ST8SIA1: variants seen among roughly 807,000 people sequenced by gnomAD.
The protein encoded by ST8SIA1 is ST8 alpha-N-acetyl-neuraminide alpha-2,8-sialyltransferase 1.
In ST8SIA1, 16 loss-of-function variants were observed where a neutral mutation model predicts 35.9. That is an observed-to-expected ratio of 0.45 (90% confidence interval 0.30 to 0.68). The LOEUF (loss-of-function observed/expected upper bound fraction) is 0.68, where lower values mean the gene tolerates loss of function less well. Ranked by LOEUF, ST8SIA1 falls within the 30% of genes least tolerant of loss-of-function variation. The pLI is 0.09. For synonymous variants in ST8SIA1, 170 were observed against 169.6 expected, an observed-to-expected ratio of 1.00 and a Z score of -0.02; for missense variants, 383 against 453.6, an observed-to-expected ratio of 0.84 and a Z score of 1.41.
intron 2 of ST8SIA1, among the ~76,000 whole-genome samples, chr12:22,270,680 T>C (rs892020852): frequency 3.3e-4 from 50 of 152,160 alleles, no homozygotes; most frequent in Admixed American, 1.5e-3. Flanking sequence ...GGGGGCTGGA[T>C]AATGAGAAAT....
chr12:22,268,626 G>C (rs1278118891), intron 2 of ST8SIA1: 3 of 152,156 alleles, frequency 2.0e-5, no homozygotes, highest in Non-Finnish European at 2.9e-5. Context: ...TGAGGGGAGG[G>C]GGGGAAGCCC....
At chr12:22,245,745 G>A (rs1018004217) in intron 4 of ST8SIA1, among the ~76,000 whole-genome samples, 24 of 152,232 alleles carry the variant, frequency 1.6e-4, no homozygotes, top group Admixed American at 2.6e-4. Context: ...ATCAAGGCAG[G>A]ATTCTAGGAC....
intron 2 of ST8SIA1, among the ~76,000 whole-genome samples, chr12:22,277,064 C>A (rs912144555): frequency 6.6e-5 from 10 of 152,130 alleles, no homozygotes; most frequent in Non-Finnish European, 1.2e-4. Flanking sequence ...GTTGGTGCAT[C>A]CCTAATTACA....
chr12:22,251,638 TAC>T (rs113734750), intron 3 of ST8SIA1, among the ~76,000 whole-genome samples: 1 of 152,196 alleles, frequency 6.6e-6, no homozygotes, highest in African/African-American at 2.4e-5. Flanking sequence ...GCACATTTAA[TAC>T]AGTCAAATTG....
At position 22,334,074 on chromosome 12, in the gene ST8SIA1, G is replaced by A. The variant is rs778982252; in HGVS notation, c.159C>T (p.Asn53=). Residue 53 remains asparagine, a synonymous_variant, in exon 1 of 5, where the codon AAC becomes AAT. Transcript: ENST00000396037. ...LYIFPVYRLP[N]EKEIVQGVLQ... ...GCACCCCCTGCACGATCTCTTTCTC[G>A]TTGGGCAGCCGGTAGACGGGGAAGA... 20 of 1,614,012 alleles carry A rather than the reference G, an allele frequency of 1.2e-5. No homozygotes were observed. In the Admixed American group the frequency reaches 2.7e-4, roughly 22 times the overall value.
chr12:22,298,542 T>C lies in ST8SIA1; in HGVS notation c.237-11249A>G, dbSNP rs575306882. Among the ~76,000 whole-genome samples, 6 of 152,358 alleles carry C rather than the reference T, an allele frequency of 3.9e-5. No homozygotes were observed. In the South Asian group the frequency reaches 1.0e-3, roughly 26 times the overall value. ...ATTGTTGTTGAGTGGAGTTTGTGCATGGTTTTTTCCTACTCTCAATATTCT... is the reference window on the plus strand; with the variant it reads ...ATTGTTGTTGAGTGGAGTTTGTGCACGGTTTTTTCCTACTCTCAATATTCT... On this transcript the variant is annotated intron_variant, in intron 1 of 4. Transcript: ENST00000396037.
At chr12:22,275,616 G>A (rs938135150) in intron 2 of ST8SIA1, among the ~76,000 whole-genome samples, 1 of 152,186 alleles carries the variant, frequency 6.6e-6, no homozygotes, top group Non-Finnish European at 1.5e-5. Context: ...GCTTATATTA[G>A]CTGACATTCT....
At chr12:22,310,453 A>T (rs1866436017) in intron 1 of ST8SIA1, among the ~76,000 whole-genome samples, 1 of 152,158 alleles carries the variant, frequency 6.6e-6, no homozygotes, top group Non-Finnish European at 1.5e-5. Flanking sequence ...TCAGTGCAAT[A>T]ACTCGTCACA....
rs747864680 is a variant in ST8SIA1 at position 22,201,816 on chromosome 12, A to C, written c.807T>G (p.His269Gln). 6.2e-7 allele frequency: 1 copy of C among 1,614,158 alleles called. No individual in the cohort carries two copies. Among genetic ancestry groups the C allele is most frequent in the East Asian group, 2.2e-5 (1 of 44,884 alleles). Residue 269 changes from histidine (H) to glutamine (Q), a missense_variant, in exon 5 of 5, where the codon CAT (histidine) becomes CAG (glutamine). Coordinates refer to ENST00000396037, the MANE Select transcript of ST8SIA1 (RefSeq NM_003034.4). ...AAAGTCCTGTGGACAGGCGCTTGGC[A>C]TGGATTCCTCTACTTTTCCAGAACT... Reference protein sequence around the residue: ...IGKFWKSRGIHAKRLSTGLFL... With the variant: ...IGKFWKSRGIQAKRLSTGLFL...
chr12:22,270,150 TCA>T (rs754444164), intron 2 of ST8SIA1, among the ~76,000 whole-genome samples: 2 of 152,208 alleles, frequency 1.3e-5, no homozygotes, highest in Non-Finnish European at 2.9e-5. Context: ...TCAACAGGCC[TCA>T]GTTTGAATCT....
At chr12:22,218,972 G>C (rs1051837334) in intron 4 of ST8SIA1, among the ~76,000 whole-genome samples, 17 of 152,192 alleles carry the variant, frequency 1.1e-4, no homozygotes, top group African/African-American at 4.1e-4. Context: ...AAAGAAACAA[G>C]CTAAATGTAA....
chr12:22,295,756 A>C (rs1370281256), intron 1 of ST8SIA1, among the ~76,000 whole-genome samples: 1 of 152,150 alleles, frequency 6.6e-6, no homozygotes, highest in Non-Finnish European at 1.5e-5. Context: ...AAAAGAACCT[A>C]CTTGATTTTG....
At chr12:22,301,882 C>G (rs2135825479) in intron 1 of ST8SIA1, among the ~76,000 whole-genome samples, 1 of 152,182 alleles carries the variant, frequency 6.6e-6, no homozygotes, top group South Asian at 2.1e-4. Context: ...TTTGATGGTA[C>G]AAATCCATGG....
chr12:22,218,194 G>A (rs1339184066), intron 4 of ST8SIA1, among the ~76,000 whole-genome samples: 1 of 151,840 alleles, frequency 6.6e-6, no homozygotes, highest in African/African-American at 2.4e-5. Flanking sequence ...TGTGGTGGTG[G>A]GTGCCTGTAA....
intron 4 of ST8SIA1, among the ~76,000 whole-genome samples, chr12:22,212,808 C>T (rs554600275): frequency 1.7e-4 from 26 of 152,246 alleles, no homozygotes; most frequent in Admixed American, 3.9e-4. Flanking sequence ...TACAGTGGGG[C>T]CTCAATTCTG....
chr12:22,241,408 G>A (rs955666082), intron 4 of ST8SIA1, among the ~76,000 whole-genome samples: 4 of 152,028 alleles, frequency 2.6e-5, no homozygotes, highest in South Asian at 4.2e-4. Context: ...CAGCTCACTC[G>A]CTGTCTCTTG....
At chr12:22,239,513 T>C (rs1336263910) in intron 4 of ST8SIA1, among the ~76,000 whole-genome samples, 1 of 152,240 alleles carries the variant, frequency 6.6e-6, no homozygotes, top group Non-Finnish European at 1.5e-5. Flanking sequence ...TTAGGTCTTT[T>C]TCAAGTCTAC....
chr12:22,279,450 C>G (rs1866008457), intron 2 of ST8SIA1, among the ~76,000 whole-genome samples: 2 of 152,150 alleles, frequency 1.3e-5, no homozygotes, highest in African/African-American at 4.8e-5. Flanking sequence ...CACTTGTGTT[C>G]CTGCTGTGAT....
intron 4 of ST8SIA1, among the ~76,000 whole-genome samples, chr12:22,214,268 T>C (rs1865209685): frequency 1.3e-5 from 2 of 152,098 alleles, no homozygotes; most frequent in Non-Finnish European, 2.9e-5. Flanking sequence ...GCAAGATCAA[T>C]AAAATAAAGA....
Sources: gnomAD v4.1 joint callset for allele counts (sites outside exome capture counted in the v4.1 genomes callset) on GRCh38, gnomAD v4.1.1 for gene constraint, MANE v1.5 for transcripts, NCBI Gene and HGNC (gene_info 2026-07-23, HGNC 2026-07-21) for gene names.